Variants in SLC41A2 observed in about 807,000 individuals in gnomAD.
The protein encoded by SLC41A2 is solute carrier family 41 member 2, also known as SLC41A1-like 1.
Under a neutral mutation model 58.3 loss-of-function variants are expected in SLC41A2, and 32 were observed. The observed-to-expected ratio is 0.55, with a 90% CI of 0.41 to 0.74. The LOEUF (loss-of-function observed/expected upper bound fraction) is 0.74. Among genes scored for constraint, SLC41A2 ranks in the 30% least tolerant of loss-of-function variants. The probability of loss-of-function intolerance (pLI) is 0.00; values close to 1 mark genes in which losing one functional copy is unlikely to be tolerated. For missense variants in SLC41A2, 514 were observed against 680.6 expected, an observed-to-expected ratio of 0.76 and a Z score of 2.72; for synonymous variants, 190 against 235.0, an observed-to-expected ratio of 0.81 and a Z score of 1.75.
intron 6 of SLC41A2, among the ~76,000 whole-genome samples, chr12:104,883,473 T>C (rs987762398): frequency 1.3e-5 from 2 of 152,240 alleles, no homozygotes; most frequent in African/African-American, 4.8e-5. Context: ...CTTTGGTCTT[T>C]GATGATGGTG....
intron 3 of SLC41A2, among the ~76,000 whole-genome samples, chr12:104,898,890 A>T (rs150197109): frequency 5.3e-4 from 80 of 152,346 alleles, no homozygotes; most frequent in African/African-American, 1.9e-3. Context: ...GATGCTCCAC[A>T]TCATATATCA....
intron 3 of SLC41A2, among the ~76,000 whole-genome samples, chr12:104,908,063 G>A (rs529531160): frequency 7.9e-5 from 12 of 152,094 alleles, no homozygotes; most frequent in East Asian, 3.9e-4. Flanking sequence ...TCAGGAGTTC[G>A]AGACCAGCCT....
chr12:104,825,839 G>A (rs189652802), intron 10 of SLC41A2, among the ~76,000 whole-genome samples: 1 of 152,330 alleles, frequency 6.6e-6, no homozygotes, highest in African/African-American at 2.4e-5. Flanking sequence ...AGGAGGCCAT[G>A]CTTTATGGCA....
intron 6 of SLC41A2, among the ~76,000 whole-genome samples, chr12:104,879,162 T>C (rs1377852451): frequency 6.6e-6 from 1 of 152,248 alleles, no homozygotes. Flanking sequence ...TGGGGTTGTT[T>C]GATTTTTTTC....
chr12:104,881,818 A>T (rs1053281421), intron 6 of SLC41A2, among the ~76,000 whole-genome samples: 1 of 152,134 alleles, frequency 6.6e-6, no homozygotes, highest in African/African-American at 2.4e-5. Flanking sequence ...AGGTCTGTAG[A>T]TGTCTATTAG....
intron 6 of SLC41A2, among the ~76,000 whole-genome samples, chr12:104,871,682 C>G (rs1278912673): frequency 6.6e-6 from 1 of 152,166 alleles, no homozygotes; most frequent in African/African-American, 2.4e-5. Flanking sequence ...TGTTATTGGA[C>G]AATTACTGTG....
intron 10 of SLC41A2, among the ~76,000 whole-genome samples, chr12:104,831,741 A>G (rs2042043633): frequency 6.6e-6 from 1 of 152,186 alleles, no homozygotes; most frequent in Admixed American, 6.5e-5. Flanking sequence ...AATACACTCA[A>G]TATATCTAAT....
intron 4 of SLC41A2, among the ~76,000 whole-genome samples, chr12:104,892,581 G>A (rs1425359411): frequency 6.6e-6 from 1 of 151,950 alleles, no homozygotes; most frequent in Admixed American, 6.6e-5. Flanking sequence ...AACAAAACTG[G>A]AGGAATCACA....
intron 8 of SLC41A2, among the ~76,000 whole-genome samples, chr12:104,849,793 A>C (rs1345551431): frequency 6.6e-6 from 1 of 152,190 alleles, no homozygotes; most frequent in African/African-American, 2.4e-5. Context: ...ATGCCACTGC[A>C]CTCCAGTCTG....
intron 10 of SLC41A2, among the ~76,000 whole-genome samples, chr12:104,819,157 A>T (rs1214320835): frequency 3.3e-5 from 5 of 152,162 alleles, no homozygotes; most frequent in Admixed American, 1.3e-4. Flanking sequence ...ATAAAATCCC[A>T]AAGGATTACT....
chr12:104,893,932 A>T lies in SLC41A2; in HGVS notation c.735+1342T>A, dbSNP rs142798127. The stretch of plus-strand genomic sequence containing the variant: ...AAAAATAGAATGAATGAGACCTAGT[A>T]TTTGATAGCATAACAGGGTGACTTC... On this transcript the variant is annotated intron_variant, in intron 4 of 10. Transcript: ENST00000258538. 8.6e-3 allele frequency among the ~76,000 whole-genome samples: 1,302 copies of T among 152,258 alleles called. 17 individuals carry two copies. Among genetic ancestry groups the T allele is most frequent in the African/African-American group, 0.029 (1,199 of 41,548 alleles).
At chr12:104,938,791 A>G (rs1461559779) in intron 1 of SLC41A2, among the ~76,000 whole-genome samples, 1 of 149,800 alleles carries the variant, frequency 6.7e-6, no homozygotes, top group African/African-American at 2.4e-5. Context: ...CTTAAAAAGT[A>G]TATGTTTTAA....
chr12:104,937,194 C>T (rs563083631), intron 1 of SLC41A2, among the ~76,000 whole-genome samples: 2 of 152,270 alleles, frequency 1.3e-5, no homozygotes, highest in South Asian at 2.1e-4. Context: ...TATTTTTGTA[C>T]ATTTTGTGTA....
intron 8 of SLC41A2, among the ~76,000 whole-genome samples, chr12:104,852,649 A>G (rs1291965770): frequency 6.6e-6 from 1 of 152,210 alleles, no homozygotes. Flanking sequence ...GTACCAAACT[A>G]AAAAGAAAAT....
At chr12:104,910,865 C>T (rs2046054094) in intron 2 of SLC41A2, among the ~76,000 whole-genome samples, 1 of 152,194 alleles carries the variant, frequency 6.6e-6, no homozygotes, top group South Asian at 2.1e-4. Context: ...AGAAAATCTA[C>T]ATTCTGTAGC....
chr12:104,915,475 G>C (rs1346413974), intron 2 of SLC41A2, among the ~76,000 whole-genome samples: 2 of 152,058 alleles, frequency 1.3e-5, no homozygotes, highest in African/African-American at 2.4e-5. Context: ...TCCTTGAAGA[G>C]GTCCTTCACA....
In SLC41A2 at chr12:104,909,675, C is replaced by T; in HGVS notation, c.643G>A (p.Ala215Thr). 6.2e-7 allele frequency: 1 copy of T among 1,609,676 alleles called. No homozygotes were observed. Among genetic ancestry groups the T allele is most frequent in the Non-Finnish European group, 8.5e-7 (1 of 1,178,566 alleles). ...GLKGNLEMTL[A>T]SRLSTAVNIG... ...CTTACTGCAGTGGATAATCTGGATG[C>T]CAATGTCATTTCCAAGTTCCCTTTG... The change falls in exon 3 of 11, where the codon GCA becomes ACA. Residue 215 changes from alanine to threonine, a missense_variant. This residue lies in a region of SLC41A2 where 336 missense variants were observed against 430.0 expected (regional missense o/e 0.78). Transcript: ENST00000258538.
At chr12:104,902,845 T>A (rs1351068568) in intron 3 of SLC41A2, among the ~76,000 whole-genome samples, 1 of 152,054 alleles carries the variant, frequency 6.6e-6, no homozygotes, top group Non-Finnish European at 1.5e-5. Flanking sequence ...GCCCGTAGAG[T>A]ATCAGAACTG....
At chr12:104,943,182 A>G (rs2047576863) in intron 1 of SLC41A2, among the ~76,000 whole-genome samples, 1 of 152,212 alleles carries the variant, frequency 6.6e-6, no homozygotes, top group African/African-American at 2.4e-5. Context: ...TCTTTTTAAG[A>G]GAAGAGAAAG....
Sources: gnomAD v4.1 joint callset for allele counts (sites outside exome capture counted in the v4.1 genomes callset) on GRCh38, gnomAD v4.1.1 for gene constraint, gnomAD v4.1.1 regional missense constraint, MANE v1.5 for transcripts, NCBI Gene and HGNC (gene_info 2026-07-23, HGNC 2026-07-21) for gene names.